Variants in SNRPN observed in about 807,000 individuals in gnomAD.
SNRPN encodes the protein small nuclear ribonucleoprotein polypeptide N, also known as small nuclear ribonucleoprotein-associated protein N.
A neutral mutation model predicts 25.2 loss-of-function variants in SNRPN; 7 were observed. The observed-to-expected ratio is 0.28, with a 90% CI of 0.16 to 0.52. The LOEUF (loss-of-function observed/expected upper bound fraction) is 0.52. SNRPN is among the 20% of genes least tolerant of loss of function. The pLI, the probability that SNRPN is intolerant of heterozygous loss-of-function variation, is 0.96. For missense variants in SNRPN, 196 were observed against 322.5 expected (o/e 0.61, Z 3.00); for synonymous variants, 124 against 110.6 (o/e 1.12, Z -0.76).
At chr15:24,913,988 A>T (rs116228402) in intron 2 of SNRPN, among the ~76,000 whole-genome samples, 1,673 of 152,296 alleles carry the variant, frequency 0.011, 33 homozygotes, top group Middle Eastern at 0.068. Flanking sequence ...TTCAGTTACT[A>T]AGCATGTTGC....
chr15:24,825,051 T>G (rs1186428781), intron 1 of SNRPN, among the ~76,000 whole-genome samples: 1 of 152,040 alleles, frequency 6.6e-6, no homozygotes, highest in East Asian at 1.9e-4. Flanking sequence ...GGCACTTATT[T>G]AAGATACATG....
chr15:24,922,442 C>T (rs1280340754), intron 3 of SNRPN, among the ~76,000 whole-genome samples: 1 of 152,158 alleles, frequency 6.6e-6, no homozygotes, highest in African/African-American at 2.4e-5. Flanking sequence ...GCATACAATA[C>T]AGTACTGCTT....
intron 2 of SNRPN, among the ~76,000 whole-genome samples, chr15:24,913,318 T>C (rs1478384482): frequency 1.3e-5 from 2 of 152,002 alleles, no homozygotes; most frequent in Non-Finnish European, 2.9e-5. Context: ...ATATTCTATC[T>C]CAGGGAGTTA....
chr15:24,961,286 C>T (rs2074762947), intron 1 of SNRPN, among the ~76,000 whole-genome samples: 1 of 152,170 alleles, frequency 6.6e-6, no homozygotes, highest in South Asian at 2.1e-4. Context: ...TTTTACCAAT[C>T]TAAAAGTCTA....
At chr15:24,880,105 A>G (rs1347225919) in intron 1 of SNRPN, among the ~76,000 whole-genome samples, 3 of 152,190 alleles carry the variant, frequency 2.0e-5, no homozygotes, top group Admixed American at 2.0e-4. Flanking sequence ...AAAAAAAGGA[A>G]AATGGTGAAG....
chr15:24,904,561 A>G (rs1056172549), intron 2 of SNRPN, among the ~76,000 whole-genome samples: 1 of 152,114 alleles, frequency 6.6e-6, no homozygotes, highest in Non-Finnish European at 1.5e-5. Flanking sequence ...AGGCTGAAGC[A>G]GGAGAATCGC....
At chr15:24,878,016 G>A (rs1349574338) in intron 1 of SNRPN, among the ~76,000 whole-genome samples, 1 of 152,086 alleles carries the variant, frequency 6.6e-6, no homozygotes, top group African/African-American at 2.4e-5. Flanking sequence ...GTGTTACCAT[G>A]GACAAACACA....
chr15:24,886,034 A>C (rs1373478602), intron 1 of SNRPN, among the ~76,000 whole-genome samples: 2 of 151,892 alleles, frequency 1.3e-5, no homozygotes, highest in Non-Finnish European at 2.9e-5. Context: ...ATGTGTAAAA[A>C]ATTTTATTCT....
rs2060685303 is a variant in SNRPN at position 24,929,907 on chromosome 15, G to A, written c.-391+9783G>A. The stretch of plus-strand genomic sequence containing the variant: ...TCTATTATGTATCAATAAAAAAATG[G>A]CCAGGCACGGTGGCTCACACCTATA... On this transcript the variant is annotated intron_variant, in intron 3 of 11. Transcript: ENST00000400097. This position sits in a 1 kb window ranked among gnomAD's most constrained non-coding sequence, Gnocchi z 5.3. Among the ~76,000 whole-genome samples the A allele has an allele frequency of 6.6e-6, 1 of 151,960 alleles. No individual in the cohort carries two copies. The highest frequency in any genetic ancestry group is 2.1e-4 in the South Asian group (1 of 4,816).
chr15:24,970,023 A>G (rs1566969129), intron 3 of SNRPN, among the ~76,000 whole-genome samples: 1 of 152,222 alleles, frequency 6.6e-6, no homozygotes, highest in Non-Finnish European at 1.5e-5. Flanking sequence ...AGCAGATTGA[A>G]AGAAGAAAAC....
At chr15:24,928,645 A>AT (rs137945695) in intron 3 of SNRPN, among the ~76,000 whole-genome samples, 4,281 of 151,578 alleles carry the variant, frequency 0.028, 183 homozygotes, top group African/African-American at 0.092. Flanking sequence ...TCCCTCTTTT[A>AT]TTTTTTTTGA....
intron 2 of SNRPN, chr15:24,848,252 G>GGCCGGGGGCGGC (rs2052412490): frequency 7.4e-6 from 1 of 135,302 alleles, no homozygotes; most frequent in Admixed American, 7.5e-5. Context: ...GCGGCGGCGG[G>GGCCGGGGGCGGC]GGCGGGGGCG....
At chr15:24,922,199 G>A (rs564131612) in intron 3 of SNRPN, among the ~76,000 whole-genome samples, 4 of 152,196 alleles carry the variant, frequency 2.6e-5, no homozygotes, top group Admixed American at 2.0e-4. Flanking sequence ...GGCGACAAAA[G>A]CAAAACTCCG....
chr15:24,849,113 A>G (rs1329822384), intron 2 of SNRPN: 1 of 152,118 alleles, frequency 6.6e-6, no homozygotes, highest in Non-Finnish European at 1.5e-5. Flanking sequence ...TTGTATTTTT[A>G]GTAGAGATGG....
At chr15:24,861,244 C>G (rs941196426) in intron 1 of SNRPN, among the ~76,000 whole-genome samples, 3 of 152,174 alleles carry the variant, frequency 2.0e-5, no homozygotes, top group African/African-American at 7.2e-5. Context: ...ATTACACAAA[C>G]CTAGAAGGCA....
chr15:24,834,751 C>CTCTCTATATATATATATATATATA, intron 2 of SNRPN, among the ~76,000 whole-genome samples: 2 of 60,954 alleles, frequency 3.3e-5, no homozygotes, highest in Non-Finnish European at 6.6e-5. Context: ...CTCTCTCTCT[C>CTCTCTATATATATATATATATATA]TATATATATA....
intron 1 of SNRPN, among the ~76,000 whole-genome samples, chr15:24,959,075 G>A (rs983834607): frequency 3.3e-5 from 5 of 152,224 alleles, no homozygotes; most frequent in African/African-American, 9.6e-5. Context: ...AATTTAGGCC[G>A]TAATAAAATT....
intron 2 of SNRPN, among the ~76,000 whole-genome samples, chr15:24,916,317 T>C (rs994228776): frequency 2.0e-5 from 3 of 151,936 alleles, no homozygotes; most frequent in Admixed American, 1.3e-4. Flanking sequence ...GTGAAAAAAT[T>C]TAAAAACTTA....
At chr15:24,889,996 G>A (rs908332396) in intron 2 of SNRPN, among the ~76,000 whole-genome samples, 9 of 147,424 alleles carry the variant, frequency 6.1e-5, no homozygotes, top group African/African-American at 2.3e-4. Context: ...GTTGCAGTGA[G>A]CTGAGATCGC....
Sources: allele counts gnomAD v4.1 joint callset (sites outside exome capture counted in the v4.1 genomes callset), GRCh38; gene constraint gnomAD v4.1.1; non-coding constraint Gnocchi (gnomAD v3.1); transcripts MANE v1.5; gene names NCBI Gene and HGNC (gene_info 2026-07-23, HGNC 2026-07-21).